TENM3: variants seen among roughly 807,000 people sequenced by gnomAD.
TENM3 encodes teneurin-3.
In TENM3, 63 loss-of-function variants were observed where a neutral mutation model predicts 255.1. The observed-to-expected ratio is 0.25, with a 90% CI of 0.20 to 0.30. The LOEUF is 0.30. Among genes scored for constraint, TENM3 ranks in the 10% least tolerant of loss-of-function variants. The pLI is 1.00. For synonymous variants in TENM3, 1,306 were observed against 1,322.3 expected (o/e 0.99, Z 0.27); for missense variants, 2,929 against 3,461.1 (o/e 0.85, Z 3.86).
chr4:181,604,809 G>T, the TENM3 span, among the ~76,000 whole-genome samples: 1 of 152,174 alleles, frequency 6.6e-6, no homozygotes, highest in Non-Finnish European at 1.5e-5. Context: ...ACAGAATCAG[G>T]CTGTAGCTTC....
the TENM3 span, among the ~76,000 whole-genome samples, chr4:181,489,487 A>C: frequency 6.6e-6 from 1 of 152,156 alleles, no homozygotes; most frequent in Admixed American, 6.5e-5. Flanking sequence ...TCAGTAATTT[A>C]TTTATAGCCA....
chr4:182,049,980 A>AT, the TENM3 span, among the ~76,000 whole-genome samples: 2 of 135,800 alleles, frequency 1.5e-5, no homozygotes, highest in Non-Finnish European at 3.2e-5. Flanking sequence ...AAAAATATGT[A>AT]TTTTTTTTAA....
the TENM3 span, among the ~76,000 whole-genome samples, chr4:181,923,403 G>A: frequency 4.6e-5 from 7 of 152,242 alleles, no homozygotes; most frequent in Admixed American, 4.6e-4. Flanking sequence ...AAAGTCTGGG[G>A]ACACATTAAA....
the TENM3 span, among the ~76,000 whole-genome samples, chr4:181,667,069 A>G: frequency 6.6e-6 from 1 of 152,178 alleles, no homozygotes; most frequent in Non-Finnish European, 1.5e-5. Flanking sequence ...ATTCTTACAC[A>G]TGCATTTTTG....
chr4:181,786,585 G>A, the TENM3 span, among the ~76,000 whole-genome samples: 1 of 152,082 alleles, frequency 6.6e-6, no homozygotes, highest in Non-Finnish European at 1.5e-5. Flanking sequence ...AAGAACAGAG[G>A]CAAAGTCTGT....
At position 182,669,844 on chromosome 4, in the gene TENM3, C is replaced by T. The variant is rs184316061; in HGVS notation, c.1112-3161C>T. Among the ~76,000 whole-genome samples, 5 of 152,300 alleles carry T rather than the reference C, an allele frequency of 3.3e-5. No homozygotes were observed. The East Asian group carries it at 9.6e-4, about 29-fold the overall frequency. On this transcript the variant is annotated intron_variant, in intron 6 of 27. Transcript: ENST00000511685. ...TTGATGCCATCACTGACTTTGGCCACATCATTTACTTCTCTGAGCCTTAGT... is the reference window on the plus strand; with the variant it reads ...TTGATGCCATCACTGACTTTGGCCATATCATTTACTTCTCTGAGCCTTAGT...
chr4:182,217,046 A>G (rs1579768148), intron 1 of TENM3, among the ~76,000 whole-genome samples: 1 of 99,142 alleles, frequency 1.0e-5, no homozygotes, highest in African/African-American at 4.0e-5. Context: ...TTTTTGAGAC[A>G]GAGTCTCACT....
At chr4:182,216,177 G>T (rs537007267) in intron 1 of TENM3, among the ~76,000 whole-genome samples, 1 of 152,292 alleles carries the variant, frequency 6.6e-6, no homozygotes. Context: ...CAGCACACAG[G>T]CCTCAGAATG....
the TENM3 span, among the ~76,000 whole-genome samples, chr4:181,487,421 G>A: frequency 2.0e-5 from 3 of 152,114 alleles, no homozygotes; most frequent in South Asian, 4.1e-4. Flanking sequence ...CTGGAGGCAG[G>A]GACGTCAAGA....
intron 3 of TENM3, among the ~76,000 whole-genome samples, chr4:182,512,566 A>AT (rs1353944070): frequency 2.6e-5 from 4 of 152,370 alleles, no homozygotes; most frequent in South Asian, 4.1e-4. Flanking sequence ...TGATGAAATC[A>AT]TTATGACATT....
the TENM3 span, among the ~76,000 whole-genome samples, chr4:181,528,886 T>C: frequency 5.2e-5 from 6 of 114,352 alleles, no homozygotes; most frequent in African/African-American, 1.2e-4. Flanking sequence ...CACACACACA[T>C]ACACACACAC....
chr4:182,247,568 T>C (rs1246527977), intron 1 of TENM3, among the ~76,000 whole-genome samples: 1 of 152,218 alleles, frequency 6.6e-6, no homozygotes, highest in African/African-American at 2.4e-5. Flanking sequence ...AGGACAGCTT[T>C]AATTTACTAG....
the TENM3 span, among the ~76,000 whole-genome samples, chr4:181,498,797 G>A: frequency 4.6e-5 from 7 of 152,130 alleles, no homozygotes; most frequent in Admixed American, 3.9e-4. Flanking sequence ...CACCCTGTCA[G>A]GGGTAAGAAG....
chr4:181,530,176 T>G, the TENM3 span, among the ~76,000 whole-genome samples: 2 of 152,148 alleles, frequency 1.3e-5, no homozygotes, highest in Non-Finnish European at 2.9e-5. Flanking sequence ...TTCTCAGTGA[T>G]CATAAAAAAA....
At chr4:181,643,848 G>A in the TENM3 span, among the ~76,000 whole-genome samples, 145 of 152,126 alleles carry the variant, frequency 9.5e-4, 1 homozygote, top group East Asian at 0.013. Context: ...AGGCCAAGGC[G>A]GGCAGATCAC....
At chr4:181,875,424 T>A in the TENM3 span, among the ~76,000 whole-genome samples, 3 of 151,820 alleles carry the variant, frequency 2.0e-5, no homozygotes, top group African/African-American at 7.3e-5. Flanking sequence ...GGAACCTATT[T>A]TTTTTTTTTA....
intron 3 of TENM3, among the ~76,000 whole-genome samples, chr4:182,562,066 C>A (rs1171957148): frequency 1.3e-5 from 2 of 151,668 alleles, no homozygotes; most frequent in African/African-American, 4.8e-5. Context: ...TACCTATGTT[C>A]TATTGTGGAG....
At chr4:181,580,976 T>C in the TENM3 span, among the ~76,000 whole-genome samples, 1 of 152,188 alleles carries the variant, frequency 6.6e-6, no homozygotes, top group African/African-American at 2.4e-5. Flanking sequence ...CAAGTTGCCT[T>C]GTATTTTTTC....
At chr4:182,047,122 A>C in the TENM3 span, among the ~76,000 whole-genome samples, 1 of 152,188 alleles carries the variant, frequency 6.6e-6, no homozygotes, top group African/African-American at 2.4e-5. Flanking sequence ...ACCAGAGGTA[A>C]ATATGCCTGA....
Sources: allele counts gnomAD v4.1 joint callset (sites outside exome capture counted in the v4.1 genomes callset), GRCh38; gene constraint gnomAD v4.1.1; transcripts MANE v1.5; gene names NCBI Gene and HGNC (gene_info 2026-07-23, HGNC 2026-07-21).